The following CHSY3 variants were observed in gnomAD, a reference collection of about 807,000 sequenced individuals.
CHSY3 encodes the protein chondroitin sulfate synthase 3, also known as N-acetylgalactosaminyl-proteoglycan 3-beta-glucuronosyltransferase 3.
In CHSY3, 35 loss-of-function variants were observed where a neutral mutation model predicts 67.2. The observed-to-expected ratio is 0.52, with a 90% confidence interval of 0.40 to 0.69. The LOEUF (loss-of-function observed/expected upper bound fraction) is 0.69, where lower values mean the gene tolerates loss of function less well. Among genes scored for constraint, CHSY3 ranks in the 30% least tolerant of loss-of-function variants. CHSY3 has a pLI of 0.00. For missense variants in CHSY3, 1,069 were observed against 1,138.5 expected (o/e 0.94, Z 0.88); for synonymous variants, 474 against 434.7 (o/e 1.09, Z -1.12).
intron 2 of CHSY3, among the ~76,000 whole-genome samples, chr5:130,128,448 A>G (rs1165428264): frequency 1.3e-5 from 2 of 152,090 alleles, no homozygotes; most frequent in African/African-American, 4.8e-5. Context: ...TAGTGATCCC[A>G]CTTATATGTA....
Position 129,997,930 on chromosome 5 carries a change from T to G in CHSY3, c.1086+89570T>G, listed in dbSNP as rs193185794. On this transcript the variant is annotated intron_variant, in intron 2 of 2. Coordinates refer to ENST00000305031, the MANE Select transcript of CHSY3 (RefSeq NM_175856.5). ...ATCGTTGATGGACATTTGGGTTGGT[T>G]CCAAGTCTTTGCTATTGTGAATAGT... Among the ~76,000 whole-genome samples the G allele has an allele frequency of 3.3e-5, 5 of 152,332 alleles. No homozygotes were observed. The East Asian group carries it at 9.6e-4, about 29-fold the overall frequency.
rs1406935616 is a variant in CHSY3 at position 130,083,801 on chromosome 5, G to T, written c.1087-100428G>T. 4.0e-5 allele frequency among the ~76,000 whole-genome samples: 6 copies of T among 150,894 alleles called. No homozygotes were observed. In the South Asian group the frequency reaches 8.4e-4, roughly 21 times the overall value. On this transcript the variant is annotated intron_variant, in intron 2 of 2. Transcript: ENST00000305031. ...TTATCATAAACAAATGCTGGTTTTT[G>T]TTTTTTTTCTGTATGGAAATACCTC...
At chr5:129,986,063 T>C (rs1002934716) in intron 2 of CHSY3, among the ~76,000 whole-genome samples, 1 of 152,162 alleles carries the variant, frequency 6.6e-6, no homozygotes, top group African/African-American at 2.4e-5. Context: ...CAGTACTATG[T>C]TGAATAGGAG....
In CHSY3 at chr5:129,904,865, G is replaced by C; in HGVS notation, c.36G>C (p.Val12=). 6.8e-7 allele frequency: 1 copy of C among 1,474,266 alleles called. No individual in the cohort carries two copies. The highest frequency in any genetic ancestry group is 9.0e-7 in the Non-Finnish European group (1 of 1,108,546). The allele number at this position is 1,474,266 out of a possible 1,614,324, so 91.3% of individuals were successfully genotyped here. A position where few individuals can be genotyped will look rare whatever the true frequency, so the allele number is the denominator to read the frequency against. ...AVRSRRPWMS[V]ALGLVLGFTA... The stretch of plus-strand genomic sequence containing the variant: ...GCTCTCGCCGCCCGTGGATGAGCGT[G>C]GCATTAGGGCTGGTGCTGGGCTTCA... The change falls in exon 1 of 3, where the codon GTG becomes GTC. Residue 12 remains valine, a synonymous_variant. Transcript: ENST00000305031.
chr5:130,141,216 CT>C, intron 2 of CHSY3: 1 of 482,940 alleles, frequency 2.1e-6, no homozygotes, highest in South Asian at 1.7e-5. Flanking sequence ...GTCAACTCCT[CT>C]TTTTCTTGGT....
intron 2 of CHSY3, among the ~76,000 whole-genome samples, chr5:130,120,440 A>G (rs549336816): frequency 5.3e-5 from 8 of 151,486 alleles, no homozygotes; most frequent in Admixed American, 2.0e-4. Flanking sequence ...AAAACAATCA[A>G]TCTCTCAAAC....
rs765026721 is a variant in CHSY3, at chr5:130,119,052, TAAAC to T, written c.1087-65171_1087-65168del. Among the ~76,000 whole-genome samples, 216 of 152,240 alleles carry T rather than the reference TAAAC, an allele frequency of 1.4e-3. 1 individual carries two copies. The highest frequency in any genetic ancestry group is 2.7e-3 in the Non-Finnish European group (187 of 68,010). ...GTTAATGACTTAGAGGCAAAGGATA[TAAAC>T]AAACACTATCCTAGGAAGTTGAGGA... On this transcript the variant is annotated intron_variant, in intron 2 of 2. Coordinates refer to ENST00000305031, the MANE Select transcript of CHSY3 (RefSeq NM_175856.5).
chr5:130,116,781 A>C (rs932499624), intron 2 of CHSY3, among the ~76,000 whole-genome samples: 2 of 152,218 alleles, frequency 1.3e-5, no homozygotes, highest in Non-Finnish European at 2.9e-5. Flanking sequence ...GTGGCTCTCC[A>C]AGCCAAGCTT....
At chr5:129,935,298 A>G (rs892475612) in intron 2 of CHSY3, among the ~76,000 whole-genome samples, 3 of 152,062 alleles carry the variant, frequency 2.0e-5, no homozygotes, top group African/African-American at 7.2e-5. Flanking sequence ...AATATGAAAT[A>G]AGAAGATCAA....
intron 2 of CHSY3, among the ~76,000 whole-genome samples, chr5:129,942,631 C>T (rs954158415): frequency 2.0e-5 from 3 of 152,032 alleles, no homozygotes; most frequent in Admixed American, 1.3e-4. Context: ...ATTTTATCTC[C>T]GTTTTATAGA....
Position 130,182,873 on chromosome 5 carries a change from AT to A in CHSY3, c.1087-1349del, listed in dbSNP as rs574890191. On this transcript the variant is annotated intron_variant, in intron 2 of 2. Transcript: ENST00000305031. Reference sequence around the variant, plus strand: ...TTGCAATATGTCTATCAATGATTTTATTTTTTTCTCCCTTTTTTCCTTAGCC... The same window carrying A: ...TTGCAATATGTCTATCAATGATTTTATTTTTTCTCCCTTTTTTCCTTAGCC... Among the ~76,000 whole-genome samples the A allele has an allele frequency of 2.9e-4, 43 of 149,164 alleles. No homozygotes were observed. The East Asian group carries it at 5.7e-3, about 20-fold the overall frequency.
intron 2 of CHSY3, among the ~76,000 whole-genome samples, chr5:130,027,868 T>A (rs1764593475): frequency 6.6e-6 from 1 of 152,176 alleles, no homozygotes; most frequent in Admixed American, 6.6e-5. Flanking sequence ...ATCCAGTCTA[T>A]CATTGATGGA....
chr5:129,954,661 G>A (rs184185262), intron 2 of CHSY3, among the ~76,000 whole-genome samples: 150 of 152,114 alleles, frequency 9.9e-4, no homozygotes, highest in Non-Finnish European at 1.8e-3. Context: ...ATTTCCTTGA[G>A]CAGTGGTTTC....
intron 2 of CHSY3, among the ~76,000 whole-genome samples, chr5:130,152,032 A>G (rs938473299): frequency 6.6e-6 from 1 of 152,186 alleles, no homozygotes; most frequent in Non-Finnish European, 1.5e-5. Context: ...CCAGCCCAAC[A>G]TTATTCAAAA....
rs1046895667 is a variant in CHSY3, at chr5:129,904,540, A to C, written c.-290A>C. 5 of 331,766 alleles carry C rather than the reference A, an allele frequency of 1.5e-5. No homozygotes were observed. The Admixed American group carries it at 1.5e-4, about 10-fold the overall frequency. The allele number at this position is 331,766 out of a possible 1,614,324, so 20.6% of individuals were successfully genotyped here. A position where few individuals can be genotyped will look rare whatever the true frequency, so the allele number is the denominator to read the frequency against. ...CTCCTCCTCCTCCTGCAGCTCCTCC[A>C]GCTGCCGCTGCTGCCGCCGCTGCCG... On this transcript the variant is annotated 5_prime_UTR_variant, in exon 1 of 3. Coordinates refer to ENST00000305031, the MANE Select transcript of CHSY3 (RefSeq NM_175856.5).
At chr5:130,031,495 T>C (rs1029161102) in intron 2 of CHSY3, among the ~76,000 whole-genome samples, 1 of 152,150 alleles carries the variant, frequency 6.6e-6, no homozygotes, top group African/African-American at 2.4e-5. Flanking sequence ...GGGTGGGTAT[T>C]TGTTTACCTT....
intron 2 of CHSY3, among the ~76,000 whole-genome samples, chr5:130,114,707 A>G (rs1767726539): frequency 6.6e-6 from 1 of 152,184 alleles, no homozygotes; most frequent in Non-Finnish European, 1.5e-5. Context: ...TAAAACAAAA[A>G]GCTTTTTCCT....
intron 2 of CHSY3, chr5:130,141,347 T>A (rs1768859646): frequency 2.7e-6 from 1 of 376,564 alleles, no homozygotes; most frequent in African/African-American, 2.2e-5. Flanking sequence ...TATTTAGATT[T>A]ATCAAGGAGA....
intron 2 of CHSY3, among the ~76,000 whole-genome samples, chr5:130,090,884 T>G (rs1012788821): frequency 6.6e-6 from 1 of 152,144 alleles, no homozygotes; most frequent in African/African-American, 2.4e-5. Flanking sequence ...AAGGGGGAAC[T>G]TTGCCTTTGC....
Sources: allele counts gnomAD v4.1 joint callset (sites outside exome capture counted in the v4.1 genomes callset), GRCh38; gene constraint gnomAD v4.1.1; transcripts MANE v1.5; gene names NCBI Gene and HGNC (gene_info 2026-07-23, HGNC 2026-07-21).